ULK4: variants seen among roughly 807,000 people sequenced by gnomAD.
The protein encoded by ULK4 is unc-51 like kinase 4.
A neutral mutation model predicts 160.6 loss-of-function variants in ULK4; 133 were observed. That is an observed-to-expected ratio of 0.83 (90% CI 0.72 to 0.96). The LOEUF (loss-of-function observed/expected upper bound fraction) is 0.96. ULK4 is among the 40% of genes least tolerant of loss of function. The probability of loss-of-function intolerance (pLI) is 0.00; values close to 1 mark genes in which losing one functional copy is unlikely to be tolerated. For synonymous variants in ULK4, 534 were observed against 539.8 expected (o/e 0.99, Z 0.15); for missense variants, 1,580 against 1,499.5 (o/e 1.05, Z -0.89).
intron 3 of ULK4, chr3:41,937,016 C>T (rs1380581925): frequency 3.7e-6 from 1 of 268,850 alleles, no homozygotes; most frequent in African/African-American, 2.2e-5. Flanking sequence ...ATCTCATGTG[C>T]CCCATAAATA....
intron 35 of ULK4, among the ~76,000 whole-genome samples, chr3:41,308,681 A>G (rs2125717991): frequency 6.6e-6 from 1 of 152,340 alleles, no homozygotes; most frequent in East Asian, 1.9e-4. Flanking sequence ...CCTAATCCAA[A>G]ATCCAAAACC....
intron 35 of ULK4, among the ~76,000 whole-genome samples, chr3:41,296,570 A>G (rs1248465312): frequency 6.6e-6 from 1 of 152,164 alleles, no homozygotes; most frequent in Non-Finnish European, 1.5e-5. Context: ...CATGGGTGGA[A>G]AAAGAATTAT....
intron 32 of ULK4, among the ~76,000 whole-genome samples, chr3:41,553,410 T>G (rs902982172): frequency 6.6e-6 from 1 of 151,276 alleles, no homozygotes; most frequent in Non-Finnish European, 1.5e-5. Flanking sequence ...CAATAATAAT[T>G]CCATTAAAAA....
chr3:41,366,455 T>C lies in ULK4; in HGVS notation c.3678+31624A>G, dbSNP rs147380697. Among the ~76,000 whole-genome samples the C allele has an allele frequency of 8.9e-4, 135 of 152,252 alleles. 1 individual carries two copies. The highest frequency in any genetic ancestry group is 3.4e-3 in the Middle Eastern group (1 of 294). On this transcript the variant is annotated intron_variant, in intron 35 of 36. Coordinates refer to ENST00000301831, the MANE Select transcript of ULK4 (RefSeq NM_017886.4). ...ATGTTTTAACAGTCCTATACAATTA[T>C]ATTTATTTGATCTAAGTAAATATGT... is the stretch of plus-strand genomic sequence containing the variant.
At chr3:41,953,296 ATATATATATTTTTT>A (rs1381028307) in intron 2 of ULK4, among the ~76,000 whole-genome samples, 3 of 113,850 alleles carry the variant, frequency 2.6e-5, no homozygotes, top group Non-Finnish European at 5.2e-5. Context: ...ATATATATAT[ATATATATATTTTTT>A]TTTTTTTTTG....
chr3:41,954,012 T>C (rs1033013896), intron 2 of ULK4, among the ~76,000 whole-genome samples: 3 of 151,640 alleles, frequency 2.0e-5, no homozygotes, highest in Non-Finnish European at 4.4e-5. Flanking sequence ...TGAAACCCCG[T>C]CTTTACTAAA....
chr3:41,504,376 T>C (rs1323196756), intron 32 of ULK4, among the ~76,000 whole-genome samples: 1 of 152,208 alleles, frequency 6.6e-6, no homozygotes, highest in African/African-American at 2.4e-5. Flanking sequence ...GCAGCTGAAA[T>C]TAGTTCTCAA....
At chr3:41,622,891 A>G (rs1279217062) in intron 30 of ULK4, among the ~76,000 whole-genome samples, 1 of 152,232 alleles carries the variant, frequency 6.6e-6, no homozygotes, top group Non-Finnish European at 1.5e-5. Context: ...TTGTCTCTAT[A>G]GCAACTACTC....
At chr3:41,665,402 T>C (rs529610546) in intron 29 of ULK4, among the ~76,000 whole-genome samples, 68 of 152,246 alleles carry the variant, frequency 4.5e-4, no homozygotes, top group African/African-American at 1.6e-3. Flanking sequence ...GAGCATTTAA[T>C]ACAGAGTAAG....
chr3:41,420,402 CCTTTA>C (rs958753793), intron 34 of ULK4, among the ~76,000 whole-genome samples: 1 of 149,566 alleles, frequency 6.7e-6, no homozygotes, highest in Non-Finnish European at 1.5e-5. Context: ...TTTCTTGTTA[CCTTTA>C]TTTTTGGCCA....
intron 33 of ULK4, among the ~76,000 whole-genome samples, chr3:41,458,463 A>G (rs1490450437): frequency 6.6e-6 from 1 of 152,184 alleles, no homozygotes; most frequent in Non-Finnish European, 1.5e-5. Flanking sequence ...TGAGCTGGGC[A>G]TGGTAGCTCA....
Position 41,590,781 on chromosome 3 carries a change from GA to G in ULK4, c.3121-24652del, listed in dbSNP as rs553763939. On this transcript the variant is annotated intron_variant, in intron 31 of 36. Transcript: ENST00000301831. ...GTATATCCAAAACTAGGTACAGAAA[GA>G]AAAAAAAAAAAACTCTGAAAAATGA... is the stretch of plus-strand genomic sequence containing the variant. Among the ~76,000 whole-genome samples, 670 of 121,210 alleles carry G rather than the reference GA, an allele frequency of 5.5e-3. 2 individuals carry two copies. The highest frequency in any genetic ancestry group is 0.019 in the East Asian group (75 of 4,040). The allele number at this position is 121,210 out of a possible 152,430, so 79.5% of individuals were successfully genotyped here.
chr3:41,856,535 ATG>A (rs1295687495), intron 17 of ULK4, among the ~76,000 whole-genome samples: 1 of 105,650 alleles, frequency 9.5e-6, no homozygotes, highest in Non-Finnish European at 1.7e-5. Context: ...ATATATATGT[ATG>A]TATATATATA....
rs531992274 is a variant in ULK4 at position 41,802,951 on chromosome 3, G to T, written c.1849-2658C>A. Reference sequence around the variant, plus strand: ...GGAGGCCGAAGCAGGCAGATCACAAGGTCAGGAGTTCAAGACCAGCCTGTC... The same window carrying T: ...GGAGGCCGAAGCAGGCAGATCACAATGTCAGGAGTTCAAGACCAGCCTGTC... On this transcript the variant is annotated intron_variant, in intron 19 of 36. Transcript: ENST00000301831. 5.9e-5 allele frequency among the ~76,000 whole-genome samples: 9 copies of T among 152,280 alleles called. No individual in the cohort carries two copies. The South Asian group carries it at 1.7e-3, about 28-fold the overall frequency.
At chr3:41,324,542 TAG>T (rs1350620835) in intron 35 of ULK4, among the ~76,000 whole-genome samples, 1 of 152,100 alleles carries the variant, frequency 6.6e-6, no homozygotes, top group Non-Finnish European at 1.5e-5. Context: ...TACCATCAGG[TAG>T]AGAGGATTCA....
rs1359532766 is a variant in ULK4, at chr3:41,838,958, C to CA, written c.1657-2988dup. On this transcript the variant is annotated intron_variant, in intron 17 of 36. Coordinates refer to ENST00000301831, the MANE Select transcript of ULK4 (RefSeq NM_017886.4). The stretch of plus-strand genomic sequence containing the variant: ...ATAGGGAGATGTTGATCAAAGGGTA[C>CA]AAACCTTCAGTTAGACAGGAGGAAC... Among the ~76,000 whole-genome samples the CA allele has an allele frequency of 2.0e-5, 3 of 152,140 alleles. No homozygotes were observed. In the East Asian group the frequency reaches 5.8e-4, roughly 29 times the overall value.
chr3:41,732,393 C>A (rs2037861372), intron 22 of ULK4, among the ~76,000 whole-genome samples: 1 of 152,030 alleles, frequency 6.6e-6, no homozygotes, highest in South Asian at 2.1e-4. Flanking sequence ...CAGGGAAATG[C>A]AAACTAAAAC....
intron 32 of ULK4, among the ~76,000 whole-genome samples, chr3:41,499,915 G>C (rs893700689): frequency 6.6e-6 from 1 of 151,982 alleles, no homozygotes; most frequent in Non-Finnish European, 1.5e-5. Flanking sequence ...AATAAAGTTT[G>C]GTTAAGCTAT....
intron 27 of ULK4, among the ~76,000 whole-genome samples, chr3:41,683,518 G>A (rs763770071): frequency 1.7e-4 from 26 of 151,372 alleles, no homozygotes; most frequent in Admixed American, 5.3e-4. Context: ...TGCTACAACT[G>A]GTGAGTTTTT....
Sources: gnomAD v4.1 joint callset for allele counts (sites outside exome capture counted in the v4.1 genomes callset) on GRCh38, gnomAD v4.1.1 for gene constraint, MANE v1.5 for transcripts, NCBI Gene and HGNC (gene_info 2026-07-23, HGNC 2026-07-21) for gene names.